PITPNC1: variants seen among roughly 807,000 people sequenced by gnomAD.
PITPNC1 encodes the protein phosphatidylinositol transfer protein cytoplasmic 1, also known as cytoplasmic phosphatidylinositol transfer protein 1.
Under a neutral mutation model 44.7 loss-of-function variants are expected in PITPNC1, and 18 were observed. The observed-to-expected ratio is 0.40, with a 90% CI of 0.28 to 0.60. The LOEUF (loss-of-function observed/expected upper bound fraction) is 0.60. PITPNC1 is among the 20% of genes least tolerant of loss of function. The pLI, the probability that PITPNC1 is intolerant of heterozygous loss-of-function variation, is 0.39. For missense variants in PITPNC1, 290 were observed against 418.4 expected, an observed-to-expected ratio of 0.69 and a Z score of 2.68; for synonymous variants, 141 against 149.6, an observed-to-expected ratio of 0.94 and a Z score of 0.42.
intron 1 of PITPNC1, among the ~76,000 whole-genome samples, chr17:67,411,904 G>T (rs763241186): frequency 6.6e-6 from 1 of 152,230 alleles, no homozygotes; most frequent in South Asian, 2.1e-4. Flanking sequence ...GAGGGGAGTG[G>T]CAGAGCCAGG....
At chr17:67,634,850 TGAGAC>T (rs2042015087) in intron 6 of PITPNC1, among the ~76,000 whole-genome samples, 1 of 152,192 alleles carries the variant, frequency 6.6e-6, no homozygotes, top group African/African-American at 2.4e-5. Context: ...GTCAGGAGTT[TGAGAC>T]CAGCCTGGCC....
At chr17:67,441,561 G>T (rs1355639980) in intron 1 of PITPNC1, among the ~76,000 whole-genome samples, 1 of 152,178 alleles carries the variant, frequency 6.6e-6, no homozygotes, top group Non-Finnish European at 1.5e-5. Flanking sequence ...CTCTCCGATT[G>T]TAAAAGGCGG....
chr17:67,593,559 A>G (rs918252702), intron 5 of PITPNC1, among the ~76,000 whole-genome samples: 11 of 151,848 alleles, frequency 7.2e-5, no homozygotes, highest in African/African-American at 2.4e-4. Flanking sequence ...CCACCACACT[A>G]TGCTAATTTT....
rs367869527 is a variant in PITPNC1 at position 67,695,128 on chromosome 17, T to C, written c.*2240T>C. The stretch of plus-strand genomic sequence containing the variant: ...AGTTTCATTTCTTTTATAACCAGTA[T>C]GTTACCACAGACATCAGTTGCAAAG... On this transcript the variant is annotated 3_prime_UTR_variant, in exon 9 of 9. Coordinates refer to ENST00000581322, the MANE Select transcript of PITPNC1 (RefSeq NM_012417.4). 1 of 152,192 alleles carries C rather than the reference T, an allele frequency of 6.6e-6. No homozygotes were observed. Among genetic ancestry groups the C allele is most frequent in the Non-Finnish European group, 1.5e-5 (1 of 68,032 alleles). 9.4% of individuals were successfully genotyped at this position (152,192 alleles called of 1,614,324 possible). A position where few individuals can be genotyped will look rare whatever the true frequency, so the allele number is the denominator to read the frequency against.
chr17:67,645,862 C>T (rs1046107900), intron 6 of PITPNC1, among the ~76,000 whole-genome samples: 2 of 152,182 alleles, frequency 1.3e-5, no homozygotes, highest in African/African-American at 2.4e-5. Context: ...TGATTGTTCA[C>T]GCCTGTAATC....
intron 1 of PITPNC1, among the ~76,000 whole-genome samples, chr17:67,465,679 C>G (rs1253314257): frequency 6.6e-6 from 1 of 152,098 alleles, no homozygotes; most frequent in Non-Finnish European, 1.5e-5. Context: ...CTCTGATGTT[C>G]GGGGCTTTAG....
intron 6 of PITPNC1, among the ~76,000 whole-genome samples, chr17:67,643,686 T>C (rs935331761): frequency 6.6e-6 from 1 of 152,116 alleles, no homozygotes; most frequent in East Asian, 1.9e-4. Flanking sequence ...TGTGTCTGAG[T>C]CCCTCCCTCC....
At chr17:67,456,622 T>TC (rs1183428126) in intron 1 of PITPNC1, among the ~76,000 whole-genome samples, 1 of 152,016 alleles carries the variant, frequency 6.6e-6, no homozygotes, top group Non-Finnish European at 1.5e-5. Context: ...CCCTATCACC[T>TC]CCCCCACCCA....
chr17:67,462,180 C>T (rs367705684), intron 1 of PITPNC1, among the ~76,000 whole-genome samples: 3 of 144,192 alleles, frequency 2.1e-5, no homozygotes, highest in African/African-American at 7.6e-5. Context: ...AACTTGCCTA[C>T]ACCTTTTTTT....
At chr17:67,400,930 T>C (rs896726601) in intron 1 of PITPNC1, among the ~76,000 whole-genome samples, 1 of 146,044 alleles carries the variant, frequency 6.8e-6, no homozygotes, top group Non-Finnish European at 1.5e-5. Context: ...TTTCTTTCTG[T>C]TTTTTTTTGG....
chr17:67,398,860 C>T (rs995325241), intron 1 of PITPNC1, among the ~76,000 whole-genome samples: 1 of 152,020 alleles, frequency 6.6e-6, no homozygotes, highest in Non-Finnish European at 1.5e-5. Flanking sequence ...CACTTCAAAA[C>T]GACAATGTTT....
intron 5 of PITPNC1, among the ~76,000 whole-genome samples, chr17:67,607,214 T>A (rs1467390495): frequency 6.6e-6 from 1 of 152,148 alleles, no homozygotes; most frequent in East Asian, 1.9e-4. Flanking sequence ...CCAGTTTGAC[T>A]TTGTGCAAGA....
chr17:67,586,844 A>C (rs1028282160), intron 5 of PITPNC1, among the ~76,000 whole-genome samples: 3 of 152,246 alleles, frequency 2.0e-5, no homozygotes, highest in Non-Finnish European at 4.4e-5. Context: ...AATTAGTGAA[A>C]GGCAAGACTG....
intron 5 of PITPNC1, among the ~76,000 whole-genome samples, chr17:67,593,638 A>T (rs149099746): frequency 6.6e-6 from 1 of 152,306 alleles, no homozygotes; most frequent in Admixed American, 6.5e-5. Context: ...GGCTCAAGCA[A>T]TCTGCCCTCC....
chr17:67,454,056 C>CCAG (rs1567995938), intron 1 of PITPNC1, among the ~76,000 whole-genome samples: 2 of 151,982 alleles, frequency 1.3e-5, no homozygotes, highest in African/African-American at 4.8e-5. Flanking sequence ...TTGGAGACCA[C>CCAG]CCTGGCCAAC....
intron 6 of PITPNC1, among the ~76,000 whole-genome samples, chr17:67,653,679 T>C (rs1233955952): frequency 1.3e-5 from 2 of 151,872 alleles, no homozygotes; most frequent in African/African-American, 4.8e-5. Flanking sequence ...TTACGGAACT[T>C]TTCCTGAAGC....
At chr17:67,429,425 C>T (rs991671137) in intron 1 of PITPNC1, among the ~76,000 whole-genome samples, 3 of 151,354 alleles carry the variant, frequency 2.0e-5, no homozygotes, top group South Asian at 2.1e-4. Flanking sequence ...GGTAGCTGGG[C>T]GCAGTGGCTC....
At position 67,497,974 on chromosome 17, in the gene PITPNC1, C is replaced by T. The variant is rs148283037; in HGVS notation, c.49-34828C>T. ...TTTCCAGGCTCAAGTGATCCTCCCACCTCAGCCTCCTGAGTAGCTGGGACC... is the reference window on the plus strand; with the variant it reads ...TTTCCAGGCTCAAGTGATCCTCCCATCTCAGCCTCCTGAGTAGCTGGGACC... On this transcript the variant is annotated intron_variant, in intron 1 of 8. Coordinates refer to ENST00000581322, the MANE Select transcript of PITPNC1 (RefSeq NM_012417.4). Among the ~76,000 whole-genome samples the T allele has an allele frequency of 7.9e-5, 12 of 152,038 alleles. No homozygotes were observed. The East Asian group carries it at 2.3e-3, about 29-fold the overall frequency.
chr17:67,407,763 C>T (rs1567978007), intron 1 of PITPNC1, among the ~76,000 whole-genome samples: 1 of 151,442 alleles, frequency 6.6e-6, no homozygotes, highest in Non-Finnish European at 1.5e-5. Context: ...CATTGCACTC[C>T]AGCCTGGGCA....
Sources: gnomAD v4.1 joint callset for allele counts (sites outside exome capture counted in the v4.1 genomes callset) on GRCh38, gnomAD v4.1.1 for gene constraint, MANE v1.5 for transcripts, NCBI Gene and HGNC (gene_info 2026-07-23, HGNC 2026-07-21) for gene names.